MYCBPAP: variants seen among roughly 807,000 people sequenced by gnomAD.
MYCBPAP encodes the protein MYCBP associated protein, also known as MYCBP-associated protein.
In MYCBPAP, 60 loss-of-function variants were observed where a neutral mutation model predicts 106.1. That is an observed-to-expected ratio of 0.57 (90% confidence interval 0.46 to 0.70). The LOEUF is 0.70. MYCBPAP is among the 30% of genes least tolerant of loss of function. The pLI, the probability that MYCBPAP is intolerant of heterozygous loss-of-function variation, is 0.00. For synonymous variants in MYCBPAP, 407 were observed against 440.6 expected, an observed-to-expected ratio of 0.92 and a Z score of 0.95; for missense variants, 1,064 against 1,169.3, an observed-to-expected ratio of 0.91 and a Z score of 1.31.
chr17:50,529,308 G>A, intron 18 of MYCBPAP, 120 bp downstream of exon 18: 1 of 925,922 alleles, frequency 1.1e-6, no homozygotes, highest in Non-Finnish European at 1.6e-6. Flanking sequence ...TTCAGGAAGG[G>A]CATCCTCGTG....
chr17:50,508,600 C>G lies in MYCBPAP; in HGVS notation c.-75C>G. 4 of 1,554,692 alleles carry G rather than the reference C, an allele frequency of 2.6e-6. No homozygotes were observed. The highest frequency in any genetic ancestry group is 3.5e-6 in the Non-Finnish European group (4 of 1,148,698). The stretch of plus-strand genomic sequence containing the variant: ...CTGTGGACGCAGTGGCGGCCGTTGG[C>G]TGGCGGGTGCGGCGCAGCCTCGGTG... On this transcript the variant is annotated 5_prime_UTR_variant, in exon 1 of 19. Coordinates refer to ENST00000323776, the MANE Select transcript of MYCBPAP (RefSeq NM_032133.6).
intron 9 of MYCBPAP, 22 bp from the exon 10 acceptor site, chr17:50,521,951 A>C: frequency 6.2e-7 from 1 of 1,607,098 alleles, no homozygotes; most frequent in Non-Finnish European, 8.5e-7. Flanking sequence ...AAGAGAAAAT[A>C]AGTCATTGGC....
chr17:50,510,493 G>GTATATA (rs2033791881), intron 1 of MYCBPAP: 6 of 99,066 alleles, frequency 6.1e-5, no homozygotes, highest in Non-Finnish European at 1.2e-4. Flanking sequence ...GTGTGTGTGT[G>GTATATA]TGTGTGTATA....
intron 18 of MYCBPAP, chr17:50,530,253 G>A (rs4794156): frequency 0.52 from 214,764 of 414,070 alleles, 58,919 homozygotes; most frequent in East Asian, 0.84. Context: ...CAGCACTTTG[G>A]GAGGCCAAGG....
At chr17:50,525,079 C>T (rs1190858738) in intron 13 of MYCBPAP, 56 bp downstream of exon 13, 2 of 1,564,192 alleles carry the variant, frequency 1.3e-6, no homozygotes, top group Non-Finnish European at 1.7e-6. Context: ...CAAGGGTCCC[C>T]AACCCGCAGG....
In MYCBPAP at chr17:50,524,959, G is replaced by A. The variant is rs117348981; in HGVS notation, c.1718G>A (p.Arg573His). The change falls in exon 13 of 19, where the codon CGC (arginine) becomes CAC (histidine). Residue 573 changes from arginine to histidine, a missense_variant. Coordinates refer to ENST00000323776, the MANE Select transcript of MYCBPAP (RefSeq NM_032133.6). ...ELLMGVLTPE[R>H]TPSPVDAYLT... ...CTGATGGGGGTCTTGACCCCGGAGC[G>A]CACACCATCACCTGTGGATGCCTAT... is the stretch of plus-strand genomic sequence containing the variant. 2.9e-5 allele frequency: 47 copies of A among 1,613,984 alleles called. No individual in the cohort carries two copies. The highest frequency in any genetic ancestry group is 6.7e-5 in the African/African-American group (5 of 75,040).
intron 7 of MYCBPAP, 158 bp from the exon 8 acceptor site, chr17:50,520,952 A>G (rs766993849): frequency 1.9e-5 from 12 of 615,554 alleles, no homozygotes; most frequent in Non-Finnish European, 2.9e-5. Context: ...GAGGAGGTAT[A>G]GGACAGGAGA....
intron 15 of MYCBPAP, 106 bp from the exon 16 acceptor site, chr17:50,528,049 C>A: frequency 2.3e-6 from 2 of 886,888 alleles, no homozygotes; most frequent in Non-Finnish European, 3.6e-6. Context: ...GGCATTTCCA[C>A]AGCAGCTCGT....
chr17:50,528,084 G>T (rs1467543605), intron 15 of MYCBPAP, 71 bp from the exon 16 acceptor site: 2 of 1,321,236 alleles, frequency 1.5e-6, no homozygotes, highest in South Asian at 2.5e-5. Context: ...TGAAGGGAGG[G>T]ACCCAAGCCT....
chr17:50,522,851 G>T, intron 10 of MYCBPAP, 88 bp from the exon 11 acceptor site: 16 of 1,377,038 alleles, frequency 1.2e-5, no homozygotes, highest in Non-Finnish European at 1.6e-5. Context: ...CAGTGCTAAA[G>T]CCAGAAAAGT....
intron 1 of MYCBPAP, among the ~76,000 whole-genome samples, chr17:50,511,645 G>A (rs773412434): frequency 2.0e-5 from 3 of 152,138 alleles, no homozygotes; most frequent in Non-Finnish European, 2.9e-5. Context: ...TGACTACCCC[G>A]TGCAAGCGGG....
At chr17:50,519,937 T>TC (rs2034199241) in intron 7 of MYCBPAP, 150 bp downstream of exon 7, 2 of 797,696 alleles carry the variant, frequency 2.5e-6, no homozygotes, top group Admixed American at 3.1e-5. Context: ...CCCAGAGTCT[T>TC]CCTGAAGTCC....
Position 50,529,185 on chromosome 17 carries a change from T to G in MYCBPAP, c.2721T>G (p.Ser907Arg). The G allele has an allele frequency of 6.2e-7, 1 of 1,611,096 alleles. No individual in the cohort carries two copies. Among genetic ancestry groups the G allele is most frequent in the Non-Finnish European group, 8.5e-7 (1 of 1,179,576 alleles). The change falls in exon 18 of 19, where the codon AGT (serine) becomes AGG (arginine). Residue 907 changes from serine to arginine, a missense_variant. Coordinates refer to ENST00000323776, the MANE Select transcript of MYCBPAP (RefSeq NM_032133.6). Reference sequence around the variant, plus strand: ...GGAAATACACCCAGAGCCTGCACAGTGAGGTGAAGGGAAGCGCCCAGCAGC... The same window carrying G: ...GGAAATACACCCAGAGCCTGCACAGGGAGGTGAAGGGAAGCGCCCAGCAGC... ...VMGKYTQSLH[S>R]EVRGLLDTLV... is the part of the protein sequence containing the mutation.
chr17:50,527,133 C>A, intron 14 of MYCBPAP, 154 bp from the exon 15 acceptor site: 1 of 1,034,806 alleles, frequency 9.7e-7, no homozygotes, highest in Admixed American at 2.3e-5. Flanking sequence ...GAGGGGGGTC[C>A]CTGGCTCCCA....
chr17:50,520,491 G>C (rs775581622), intron 7 of MYCBPAP, among the ~76,000 whole-genome samples: 1 of 150,092 alleles, frequency 6.7e-6, no homozygotes, highest in Non-Finnish European at 1.5e-5. Context: ...GGCAACAAGA[G>C]CAAAACTCTG....
At chr17:50,517,525 A>G (rs1199297769) in intron 3 of MYCBPAP, 70 bp from the exon 4 acceptor site, 19 of 1,613,564 alleles carry the variant, frequency 1.2e-5, no homozygotes, top group Non-Finnish European at 1.4e-5. Flanking sequence ...CCCAGTCTCC[A>G]TCAGAAAGTT....
At chr17:50,514,793 GACTACAGGCATGTACTA>G (rs995612794) in intron 1 of MYCBPAP, 138 of 281,818 alleles carry the variant, frequency 4.9e-4, no homozygotes, top group Admixed American at 7.6e-4. Context: ...AAGTGGTTGG[GACTACAGGCATGTACTA>G]CCATGCCTGG....
rs148795860 is a variant in MYCBPAP, at chr17:50,513,174, C to T, written c.77-3396C>T. On this transcript the variant is annotated intron_variant, in intron 1 of 18. Transcript: ENST00000323776. ...CAGAGATTGCAGTGAGCCGAGATCA[C>T]GCCATTATACTCTAGCCTGGGCAAC... Among the ~76,000 whole-genome samples the T allele has an allele frequency of 3.1e-4, 46 of 148,094 alleles. No individual in the cohort carries two copies. The East Asian group carries it at 7.1e-3, about 23-fold the overall frequency.
chr17:50,517,763 C>A, intron 4 of MYCBPAP, 65 bp downstream of exon 4: 1 of 1,335,998 alleles, frequency 7.5e-7, no homozygotes, highest in Non-Finnish European at 1.1e-6. Context: ...TCCCACCTGA[C>A]ACAGTCAAGC....
Sources: gnomAD v4.1 joint callset for allele counts (sites outside exome capture counted in the v4.1 genomes callset) on GRCh38, gnomAD v4.1.1 for gene constraint, MANE v1.5 for transcripts, NCBI Gene and HGNC (gene_info 2026-07-23, HGNC 2026-07-21) for gene names.